Variants in KIF19 observed in about 807,000 individuals in gnomAD.
KIF19 encodes the protein kinesin family member 19.
A neutral mutation model predicts 106.6 loss-of-function variants in KIF19; 98 were observed. The ratio of observed to expected loss-of-function variants is 0.92; its 90% CI spans 0.78 to 1.09. KIF19 has a LOEUF of 1.09. Ranked by LOEUF, KIF19 falls within the 50% of genes least tolerant of loss-of-function variation. The probability of loss-of-function intolerance (pLI) is 0.00; values close to 1 mark genes in which losing one functional copy is unlikely to be tolerated. For missense variants in KIF19, 1,373 were observed against 1,414.3 expected (o/e 0.97, Z 0.47); for synonymous variants, 516 against 584.2 (o/e 0.88, Z 1.68).
At position 74,326,232 on chromosome 17, in the gene KIF19, T is replaced by A. The variant is rs1039766350; in HGVS notation, c.-118T>A. ...CTGGCGCGTTGTTGGTTTCGGGTTGTCAGGCAGCGCGCGAGGCGGCGGGCA... is the reference window on the plus strand; with the variant it reads ...CTGGCGCGTTGTTGGTTTCGGGTTGACAGGCAGCGCGCGAGGCGGCGGGCA... On this transcript the variant is annotated 5_prime_UTR_variant, in exon 1 of 20. Transcript: ENST00000389916. 1.1e-6 allele frequency: 1 copy of A among 937,534 alleles called. No homozygotes were observed. The highest frequency in any genetic ancestry group is 1.5e-6 in the Non-Finnish European group (1 of 645,368). The allele number at this position is 937,534 out of a possible 1,614,324, so 58.1% of individuals were successfully genotyped here.
chr17:74,351,390 G>GGCAGAGGAATAAGAATCACTTGCAACCCT (rs2054698612), intron 12 of KIF19: 1 of 166,044 alleles, frequency 6.0e-6, no homozygotes, highest in Non-Finnish European at 1.3e-5. Flanking sequence ...CTACTCGGAT[G>GGCAGAGGAATAAGAATCACTTGCAACCCT]GCAGAGGAAT....
Position 74,352,023 on chromosome 17 carries a change from C to G in KIF19, c.1744C>G (p.His582Asp). 6.4e-7 allele frequency: 1 copy of G among 1,563,022 alleles called. No homozygotes were observed. Among genetic ancestry groups the G allele is most frequent in the Non-Finnish European group, 8.6e-7 (1 of 1,162,512 alleles). The change falls in exon 13 of 20, where the codon CAC (histidine) becomes GAC (aspartate). Residue 582 changes from histidine to aspartate, a missense_variant. Transcript: ENST00000389916. ...GGTGGAGAACACCGAGATGCAGTCG[C>G]ACGCGCTGCTCCGCGACGGTGCGCT... ...LEVENTEMQS[H>D]ALLRDGALRH...
chr17:74,339,639 C>T (rs952452616), intron 2 of KIF19, among the ~76,000 whole-genome samples: 4 of 148,634 alleles, frequency 2.7e-5, no homozygotes, highest in Non-Finnish European at 4.5e-5. Flanking sequence ...TCATGCACTC[C>T]GTTCAGCACC....
rs1240975162 is a variant in KIF19, at chr17:74,352,900, G to A, written c.2060G>A (p.Ser687Asn). ...GACCTGGAGAGTGTGAAGACATTGAGCTCTGATGCCCAGCACCTGCAGAAC... is the reference window on the plus strand; with the variant it reads ...GACCTGGAGAGTGTGAAGACATTGAACTCTGATGCCCAGCACCTGCAGAAC... ...DSDLESVKTL[S>N]SDAQHLQNSA... The change falls in exon 15 of 20, where the codon AGC becomes AAC. Residue 687 changes from serine (S) to asparagine (N), a missense_variant. Ser to Asn is a conservative substitution (Grantham distance 46, BLOSUM62 1). Coordinates refer to ENST00000389916, the MANE Select transcript of KIF19 (RefSeq NM_153209.4). The A allele has an allele frequency of 6.2e-7, 1 of 1,613,930 alleles. No individual in the cohort carries two copies. Among genetic ancestry groups the A allele is most frequent in the South Asian group, 1.1e-5 (1 of 91,080 alleles).
At chr17:74,352,403 A>C (rs773425756) in intron 14 of KIF19, 63 bp downstream of exon 14, 11 of 1,537,182 alleles carry the variant, frequency 7.2e-6, no homozygotes, top group Non-Finnish European at 9.6e-6. Flanking sequence ...CTGATGACCA[A>C]GGCAATGCCT....
chr17:74,335,536 T>G (rs2054197297), intron 2 of KIF19, among the ~76,000 whole-genome samples: 1 of 152,184 alleles, frequency 6.6e-6, no homozygotes, highest in Non-Finnish European at 1.5e-5. Flanking sequence ...GTTTCCAGCT[T>G]AAAAGACTCC....
intron 12 of KIF19, 177 bp downstream of exon 12, chr17:74,351,082 G>A: frequency 1.5e-6 from 1 of 648,980 alleles, no homozygotes; most frequent in Non-Finnish European, 2.7e-6. Context: ...TTCCCCACCT[G>A]TAAAATGGGA....
intron 2 of KIF19, among the ~76,000 whole-genome samples, chr17:74,337,314 T>A (rs7224171): frequency 4.0e-5 from 6 of 149,404 alleles, no homozygotes; most frequent in African/African-American, 1.2e-4. Context: ...AAGCCTCCCC[T>A]AGTAGGGACT....
At chr17:74,354,971 G>T in intron 19 of KIF19, 30 bp downstream of exon 19, 1 of 1,572,476 alleles carries the variant, frequency 6.4e-7, no homozygotes, top group East Asian at 2.3e-5. Flanking sequence ...GGATGGGGAG[G>T]GGAGGCCTCC....
At chr17:74,342,601 C>T (rs763074585) in intron 3 of KIF19, 29 bp from the exon 4 acceptor site, 28 of 1,584,352 alleles carry the variant, frequency 1.8e-5, no homozygotes, top group East Asian at 6.7e-5. Context: ...GCCTGTGTCC[C>T]GGCCCCTGAC....
At chr17:74,333,073 G>GCTGC (rs1174094458) in intron 2 of KIF19, among the ~76,000 whole-genome samples, 1 of 152,234 alleles carries the variant, frequency 6.6e-6, no homozygotes, top group East Asian at 1.9e-4. Context: ...GCCCAGAAGT[G>GCTGC]CTGCGGGAGC....
chr17:74,343,164 A>T lies in KIF19; in HGVS notation c.456+4A>T. On this transcript the variant is annotated splice_donor_region_variant and intron_variant, in intron 5 of 19. Coordinates refer to ENST00000389916, the MANE Select transcript of KIF19 (RefSeq NM_153209.4). ...GGTCTCCATGTCCTACCTGGAGGTG[A>T]GTCCCCCAGCCTAGGCTCAGATGGG... 6.2e-7 allele frequency: 1 copy of T among 1,611,820 alleles called. No homozygotes were observed. The highest frequency in any genetic ancestry group is 8.5e-7 in the Non-Finnish European group (1 of 1,179,580).
At chr17:74,338,099 G>C (rs1378706084) in intron 2 of KIF19, among the ~76,000 whole-genome samples, 1 of 152,254 alleles carries the variant, frequency 6.6e-6, no homozygotes, top group Non-Finnish European at 1.5e-5. Flanking sequence ...GAAGGTCATG[G>C]GTGGGATGGG....
chr17:74,328,778 C>G (rs1323444862), intron 2 of KIF19: 1 of 343,882 alleles, frequency 2.9e-6, no homozygotes, highest in Non-Finnish European at 5.4e-6. Flanking sequence ...CTTGACTTTC[C>G]CACCCTAATA....
chr17:74,330,431 C>T lies in KIF19; in HGVS notation c.120+1926C>T, dbSNP rs575053988. ...TCAACGTCTGCTAGAGACTGAAATT[C>T]CCCAGGGCTGCTGGGTTGGCTCAGG... On this transcript the variant is annotated intron_variant, in intron 2 of 19. Coordinates refer to ENST00000389916, the MANE Select transcript of KIF19 (RefSeq NM_153209.4). 3.6e-4 allele frequency among the ~76,000 whole-genome samples: 55 copies of T among 152,304 alleles called. 1 individual carries two copies. Among genetic ancestry groups the T allele is most frequent in the Non-Finnish European group, 7.4e-5 (5 of 68,024 alleles).
Position 74,346,251 on chromosome 17 carries a change from G to A in KIF19, c.778-127G>A. 9.4e-7 allele frequency: 1 copy of A among 1,061,838 alleles called. No homozygotes were observed. 65.8% of individuals were successfully genotyped at this position (1,061,838 alleles called of 1,614,324 possible). ...ATGCCCTCAGTGGCCTTGGCAGGAG[G>A]ACGGCCACAAGGTCCTTGGGGGTTT... On this transcript the variant is annotated intron_variant, in intron 7 of 19. Coordinates refer to ENST00000389916, the MANE Select transcript of KIF19 (RefSeq NM_153209.4). This position sits in a 1 kb window ranked among gnomAD's most constrained non-coding sequence, Gnocchi z 4.6.
In KIF19 at chr17:74,350,895, G is replaced by A. The variant is rs372471745; in HGVS notation, c.1577G>A (p.Arg526His). ...CTGGTGGACGAGCAGAAGCAACTGC[G>A]CAAGCAGAAGGTGTCCAGGGTTTGG... is the stretch of plus-strand genomic sequence containing the variant. ...AALVDEQKQL[R>H]KQKLALEQRC... The change falls in exon 12 of 20, where the codon CGC becomes CAC. Residue 526 changes from arginine to histidine, a missense_variant. Coordinates refer to ENST00000389916, the MANE Select transcript of KIF19 (RefSeq NM_153209.4). 4.6e-5 allele frequency: 75 copies of A among 1,613,546 alleles called. No individual in the cohort carries two copies. Among genetic ancestry groups the A allele is most frequent in the South Asian group, 1.5e-4 (14 of 91,084 alleles).
intron 8 of KIF19, 30 bp from the exon 9 acceptor site, chr17:74,347,747 C>A: frequency 6.3e-7 from 1 of 1,580,166 alleles, no homozygotes; most frequent in African/African-American, 1.3e-5. Flanking sequence ...AGGAGGCAGT[C>A]CCCACTGACC....
At chr17:74,329,846 G>C (rs2054025827) in intron 2 of KIF19, among the ~76,000 whole-genome samples, 2 of 152,190 alleles carry the variant, frequency 1.3e-5, no homozygotes, top group Admixed American at 1.3e-4. Context: ...AGAGAAGTTG[G>C]GTGGCACTGT....
Sources: allele counts gnomAD v4.1 joint callset (sites outside exome capture counted in the v4.1 genomes callset), GRCh38; gene constraint gnomAD v4.1.1; non-coding constraint Gnocchi (gnomAD v3.1); transcripts MANE v1.5; gene names NCBI Gene and HGNC (gene_info 2026-07-23, HGNC 2026-07-21).